Variants in SLC15A5 observed in about 807,000 individuals in gnomAD.
SLC15A5 encodes the protein solute carrier family 15 member 5.
In SLC15A5, 58 loss-of-function variants were observed where a neutral mutation model predicts 56.1. That is an observed-to-expected ratio of 1.03 (90% confidence interval 0.84 to 1.29). The LOEUF is 1.29. SLC15A5 is among the 50% of genes most tolerant of loss of function. SLC15A5 has a pLI of 0.00. For missense variants in SLC15A5, 681 were observed against 672.1 expected (o/e 1.01, Z -0.15); for synonymous variants, 264 against 250.5 (o/e 1.05, Z -0.51).
rs1591640255 is a variant in SLC15A5, at chr12:16,202,961, G to A, written c.1484-8508C>T. ...AATGGTGGTATTACCAAAGGCTGAA[G>A]TGGGGAAGGGGACTGGGTGGGGGAA... On this transcript the variant is annotated intron_variant, in intron 7 of 8. Coordinates refer to ENST00000344941, the MANE Select transcript of SLC15A5 (RefSeq NM_001170798.1). Among the ~76,000 whole-genome samples the A allele has an allele frequency of 2.0e-5, 3 of 152,216 alleles. No homozygotes were observed. The East Asian group carries it at 5.8e-4, about 29-fold the overall frequency.
chr12:16,264,409 GT>G lies in SLC15A5; in HGVS notation c.585-6540del, dbSNP rs1354634745. 2.6e-5 allele frequency among the ~76,000 whole-genome samples: 4 copies of G among 152,304 alleles called. No individual in the cohort carries two copies. In the East Asian group the frequency reaches 7.7e-4, roughly 29 times the overall value. ...ATTATATCTAGGAAGTAACTAAATTGTTTTCAATTTTACAGGCTCATAGATG... is the reference window on the plus strand; with the variant it reads ...ATTATATCTAGGAAGTAACTAAATTGTTTCAATTTTACAGGCTCATAGATG... On this transcript the variant is annotated intron_variant, in intron 2 of 8. Transcript: ENST00000344941.
Position 16,212,105 on chromosome 12 carries a change from G to T in SLC15A5, c.1483+4788C>A, listed in dbSNP as rs557756126. The stretch of plus-strand genomic sequence containing the variant: ...GCTGAAGGATGTAGGGTGCCTAAAT[G>T]TATAATTATAGTGTTAGTTTCATTA... On this transcript the variant is annotated intron_variant, in intron 7 of 8. Coordinates refer to ENST00000344941, the MANE Select transcript of SLC15A5 (RefSeq NM_001170798.1). Among the ~76,000 whole-genome samples the T allele has an allele frequency of 1.1e-4, 17 of 152,200 alleles. 1 individual carries two copies. The South Asian group carries it at 3.1e-3, about 28-fold the overall frequency.
chr12:16,277,665 G>A lies in SLC15A5; in HGVS notation c.21C>T (p.Thr7=), dbSNP rs762986177. 15 of 1,534,084 alleles carry A rather than the reference G, an allele frequency of 9.8e-6. No individual in the cohort carries two copies. The South Asian group carries it at 1.8e-4, about 18-fold the overall frequency. MSVTGF[T]ITDEKVHLYH... ...ATAAGTGTACTTTCTCATCAGTTAT[G>A]GTAAAGCCTGTAACAGACATGACTA... The change falls in exon 1 of 9, where the codon ACC becomes ACT. Residue 7 remains threonine, a synonymous_variant. Coordinates refer to ENST00000344941, the MANE Select transcript of SLC15A5 (RefSeq NM_001170798.1).
At chr12:16,265,199 G>A (rs886464295) in intron 2 of SLC15A5, among the ~76,000 whole-genome samples, 3 of 152,142 alleles carry the variant, frequency 2.0e-5, no homozygotes, top group African/African-American at 7.2e-5. Flanking sequence ...AAGGTATGGA[G>A]AAAATCACAG....
Position 16,271,919 on chromosome 12 carries a change from CTT to C in SLC15A5, c.584+640_584+641del, listed in dbSNP as rs980590268. On this transcript the variant is annotated intron_variant, in intron 2 of 8. Coordinates refer to ENST00000344941, the MANE Select transcript of SLC15A5 (RefSeq NM_001170798.1). This position sits in a 1 kb window ranked among gnomAD's most constrained non-coding sequence, Gnocchi z 8.0. The stretch of plus-strand genomic sequence containing the variant: ...GTTTGATTTTCATGGAATATAAACT[CTT>C]TTAGGTGTTGGGAGCGAACTGGGTG... Among the ~76,000 whole-genome samples, 2 of 152,158 alleles carry C rather than the reference CTT, an allele frequency of 1.3e-5. No individual in the cohort carries two copies. The highest frequency in any genetic ancestry group is 4.8e-5 in the African/African-American group (2 of 41,444).
At chr12:16,189,901 CT>C in intron 8 of SLC15A5, 86 bp from the exon 9 acceptor site, 1 of 995,742 alleles carries the variant, frequency 1.0e-6, no homozygotes, top group Non-Finnish European at 1.4e-6. Context: ...GCTTGTCTAC[CT>C]TTTATGATGG....
intron 2 of SLC15A5, among the ~76,000 whole-genome samples, chr12:16,268,466 C>T (rs952960843): frequency 1.3e-5 from 2 of 152,234 alleles, no homozygotes; most frequent in East Asian, 1.9e-4. Context: ...GCTACTACTC[C>T]TCAGCATGCA....
intron 4 of SLC15A5, 86 bp from the exon 5 acceptor site, chr12:16,239,953 C>CACGT: frequency 8.3e-7 from 1 of 1,207,582 alleles, no homozygotes; most frequent in African/African-American, 1.5e-5. Flanking sequence ...TACCCTCTTG[C>CACGT]ACGTACTCTG....
chr12:16,204,298 A>T (rs1266647442), intron 7 of SLC15A5, among the ~76,000 whole-genome samples: 3 of 152,002 alleles, frequency 2.0e-5, no homozygotes, highest in Non-Finnish European at 4.4e-5. Flanking sequence ...TCTACTAAAA[A>T]ATACAAAAAT....
intron 1 of SLC15A5, among the ~76,000 whole-genome samples, chr12:16,275,671 A>C (rs1799503): frequency 0.27 from 41,682 of 151,952 alleles, 6,992 homozygotes; most frequent in African/African-American, 0.46. Context: ...GGAGGGCAAC[A>C]AAGAAATAAC....
At chr12:16,222,129 G>A (rs1305270588) in intron 6 of SLC15A5, among the ~76,000 whole-genome samples, 2 of 152,128 alleles carry the variant, frequency 1.3e-5, no homozygotes, top group African/African-American at 2.4e-5. Flanking sequence ...GCTAATTATT[G>A]AATGCTGTCT....
chr12:16,244,720 C>A lies in SLC15A5; in HGVS notation c.835G>T (p.Asp279Tyr), dbSNP rs560214599. Residue 279 changes from aspartate to tyrosine, a missense_variant, in exon 4 of 9, where the codon GAC (aspartate) becomes TAC (tyrosine). Coordinates refer to ENST00000344941, the MANE Select transcript of SLC15A5 (RefSeq NM_001170798.1). ...GCATGGTCTAACTGGCTTGTCACGTCTCTGCCAAGATGGCAGTATTGCGGG... is the reference window on the plus strand; with the variant it reads ...GCATGGTCTAACTGGCTTGTCACGTATCTGCCAAGATGGCAGTATTGCGGG... ...CHPQYCHLGR[D>Y]VTSQLDHAKE... 9 of 1,537,604 alleles carry A rather than the reference C, an allele frequency of 5.9e-6. 1 individual carries two copies. In the South Asian group the frequency reaches 9.5e-5, roughly 16 times the overall value.
At chr12:16,259,899 G>GGGA (rs746133827) in intron 2 of SLC15A5, among the ~76,000 whole-genome samples, 3 of 150,658 alleles carry the variant, frequency 2.0e-5, no homozygotes, top group Admixed American at 6.6e-5. Context: ...ACACCACCCG[G>GGGA]GCGGGGGGTA....
intron 1 of SLC15A5, among the ~76,000 whole-genome samples, chr12:16,273,830 C>T (rs1483899570): frequency 6.7e-6 from 1 of 149,158 alleles, no homozygotes; most frequent in African/African-American, 2.5e-5. Flanking sequence ...GAGGAAAGCA[C>T]TCAGAATAAT....
chr12:16,259,815 A>T (rs1864622550), intron 2 of SLC15A5, among the ~76,000 whole-genome samples: 1 of 151,880 alleles, frequency 6.6e-6, no homozygotes, highest in Admixed American at 6.6e-5. Flanking sequence ...ATTATTGCTA[A>T]TTAATTGGAG....
intron 3 of SLC15A5, among the ~76,000 whole-genome samples, chr12:16,250,040 A>C (rs1864504396): frequency 6.6e-6 from 1 of 152,008 alleles, no homozygotes; most frequent in East Asian, 1.9e-4. Flanking sequence ...TCTGTGTATA[A>C]TATTTTCAAT....
At position 16,235,215 on chromosome 12, in the gene SLC15A5, C is replaced by T. The variant is rs1565666116; in HGVS notation, c.1162+4466G>A. On this transcript the variant is annotated intron_variant, in intron 5 of 8. Transcript: ENST00000344941. The surrounding 1 kb of genome is among the most constrained non-coding windows in gnomAD (Gnocchi z 4.1). The stretch of plus-strand genomic sequence containing the variant: ...CCCCTATTTGTGGCATGTTTTTATA[C>T]ATAATATATACAAAACACGACATGT... 6.7e-6 allele frequency among the ~76,000 whole-genome samples: 1 copy of T among 149,610 alleles called. No individual in the cohort carries two copies. The highest frequency in any genetic ancestry group is 1.5e-5 in the Non-Finnish European group (1 of 67,462).
intron 6 of SLC15A5, among the ~76,000 whole-genome samples, chr12:16,222,553 T>G (rs1212104181): frequency 3.3e-5 from 5 of 152,134 alleles, no homozygotes; most frequent in Non-Finnish European, 5.9e-5. Flanking sequence ...TAGGTAGTAA[T>G]GGAAAAGCTA....
Position 16,224,485 on chromosome 12 carries a change from G to A in SLC15A5, c.1280C>T (p.Ser427Phe). The A allele has an allele frequency of 6.5e-7, 1 of 1,537,280 alleles. No individual in the cohort carries two copies. The highest frequency in any genetic ancestry group is 8.7e-7 in the Non-Finnish European group (1 of 1,146,918). Residue 427 changes from serine to phenylalanine, a missense_variant, in exon 6 of 9, where the codon TCC becomes TTC. Ser to Phe is a radical substitution (Grantham distance 155). Coordinates refer to ENST00000344941, the MANE Select transcript of SLC15A5 (RefSeq NM_001170798.1). Reference sequence around the variant, plus strand: ...AAGAATCAGGTAGAAACAGGGCATGGAGGAAACAGTGAGAACTTTTCCTGA... The same window carrying A: ...AAGAATCAGGTAGAAACAGGGCATGAAGGAAACAGTGAGAACTTTTCCTGA... ...PLSGKVLTVS[S>F]MPCFYLILQY...
Sources: gnomAD v4.1 joint callset for allele counts (sites outside exome capture counted in the v4.1 genomes callset) on GRCh38, gnomAD v4.1.1 for gene constraint, Gnocchi (gnomAD v3.1) non-coding constraint, MANE v1.5 for transcripts, NCBI Gene and HGNC (gene_info 2026-07-23, HGNC 2026-07-21) for gene names.